NXPH1: variants seen among roughly 807,000 people sequenced by gnomAD.
The protein encoded by NXPH1 is neurexophilin-1.
In NXPH1, 5 loss-of-function variants were observed where a neutral mutation model predicts 23.7. The ratio of observed to expected loss-of-function variants is 0.21; its 90% CI spans 0.11 to 0.44. The LOEUF (loss-of-function observed/expected upper bound fraction) is 0.44, where lower values mean the gene tolerates loss of function less well. NXPH1 is among the 20% of genes least tolerant of loss of function. The pLI is 0.99. For missense variants in NXPH1, 324 were observed against 321.6 expected, an observed-to-expected ratio of 1.01 and a Z score of -0.06; for synonymous variants, 144 against 122.2, an observed-to-expected ratio of 1.18 and a Z score of -1.18.
chr7:8,478,753 C>G (rs1369235771), intron 2 of NXPH1, among the ~76,000 whole-genome samples: 1 of 151,922 alleles, frequency 6.6e-6, no homozygotes, highest in African/African-American at 2.4e-5. Flanking sequence ...TTGATCAAAC[C>G]AAAAGTGATT....
Position 8,528,705 on chromosome 7 carries a change from G to A in NXPH1, c.54+92938G>A, listed in dbSNP as rs140582204. On this transcript the variant is annotated intron_variant, in intron 2 of 2. Coordinates refer to ENST00000405863, the MANE Select transcript of NXPH1 (RefSeq NM_152745.3). ...AGTAGAAAGAGACCTTAGGAAAACTGCACATACTTGCTTCATATTTTAAGT... is the reference window on the plus strand; with the variant it reads ...AGTAGAAAGAGACCTTAGGAAAACTACACATACTTGCTTCATATTTTAAGT... Among the ~76,000 whole-genome samples, 6 of 152,300 alleles carry A rather than the reference G, an allele frequency of 3.9e-5. 1 individual carries two copies. The highest frequency in any genetic ancestry group is 3.4e-3 in the Middle Eastern group (1 of 294).
intron 2 of NXPH1, among the ~76,000 whole-genome samples, chr7:8,568,650 A>T (rs954824308): frequency 3.2e-5 from 2 of 62,576 alleles, no homozygotes; most frequent in Admixed American, 2.7e-4. Context: ...TTCTTAGCAA[A>T]AAAAAAAAAA....
chr7:8,513,754 C>A (rs917041351), intron 2 of NXPH1, among the ~76,000 whole-genome samples: 2 of 152,116 alleles, frequency 1.3e-5, no homozygotes. Flanking sequence ...TTCAAGAGAA[C>A]CACCTATGTC....
intron 2 of NXPH1, among the ~76,000 whole-genome samples, chr7:8,443,152 C>T (rs973818601): frequency 6.6e-6 from 1 of 152,210 alleles, no homozygotes; most frequent in Non-Finnish European, 1.5e-5. Flanking sequence ...TCCAGCTATT[C>T]GGGGGGCAGC....
chr7:8,592,071 C>T (rs1315411271), intron 2 of NXPH1, among the ~76,000 whole-genome samples: 4 of 151,710 alleles, frequency 2.6e-5, no homozygotes, highest in African/African-American at 9.7e-5. Flanking sequence ...GAAAGATTGT[C>T]AAAAGTTGTC....
intron 2 of NXPH1, among the ~76,000 whole-genome samples, chr7:8,705,604 C>T (rs892591334): frequency 6.6e-6 from 1 of 152,138 alleles, no homozygotes; most frequent in Non-Finnish European, 1.5e-5. Flanking sequence ...TAAATGTAAT[C>T]AGGCATTGAT....
chr7:8,639,726 T>C (rs375139949), intron 2 of NXPH1, among the ~76,000 whole-genome samples: 1 of 152,284 alleles, frequency 6.6e-6, no homozygotes, highest in African/African-American at 2.4e-5. Flanking sequence ...GGTCCATCTT[T>C]CCCATGCTGT....
rs114637483 is a variant in NXPH1, at chr7:8,551,589, A to G, written c.54+115822A>G. ...AAAATAAGAATTATCCTTTACAGTT[A>G]TCTTTTACAATTTTGAGGAAATTAT... On this transcript the variant is annotated intron_variant, in intron 2 of 2. Transcript: ENST00000405863. 3.5e-3 allele frequency among the ~76,000 whole-genome samples: 529 copies of G among 151,656 alleles called. 5 individuals are homozygous for G. Among genetic ancestry groups the G allele is most frequent in the African/African-American group, 0.012 (480 of 41,500 alleles).
intron 2 of NXPH1, among the ~76,000 whole-genome samples, chr7:8,626,516 G>A (rs1819992517): frequency 6.6e-6 from 1 of 151,492 alleles, no homozygotes; most frequent in South Asian, 2.1e-4. Context: ...CCAAGCACTT[G>A]AATTTTCATT....
chr7:8,706,408 C>T (rs914260005), intron 2 of NXPH1, among the ~76,000 whole-genome samples: 1 of 152,180 alleles, frequency 6.6e-6, no homozygotes. Flanking sequence ...TCCCTCAATG[C>T]ATAACTAAGC....
rs578175248 is a variant in NXPH1, at chr7:8,483,461, G to C, written c.54+47694G>C. Among the ~76,000 whole-genome samples the C allele has an allele frequency of 2.7e-3, 411 of 152,112 alleles. 3 individuals are homozygous for C. Among genetic ancestry groups the C allele is most frequent in the South Asian group, 0.025 (121 of 4,820 alleles). ...TCTACCCACCTCAGCCTCCAGAGTA[G>C]CTGGGCATGGCTAAATTTTGTATTT... On this transcript the variant is annotated intron_variant, in intron 2 of 2. Coordinates refer to ENST00000405863, the MANE Select transcript of NXPH1 (RefSeq NM_152745.3).
At chr7:8,551,995 A>T (rs1402485373) in intron 2 of NXPH1, among the ~76,000 whole-genome samples, 3 of 151,446 alleles carry the variant, frequency 2.0e-5, no homozygotes, top group African/African-American at 7.2e-5. Context: ...TAAACAAAAG[A>T]CACAGTTTGC....
chr7:8,454,075 A>G (rs537007707), intron 2 of NXPH1, among the ~76,000 whole-genome samples: 2 of 124,780 alleles, frequency 1.6e-5, no homozygotes, highest in Admixed American at 7.7e-5. Context: ...AACAACACAC[A>G]CTGGGGCCTT....
At chr7:8,564,737 C>A (rs1818509532) in intron 2 of NXPH1, among the ~76,000 whole-genome samples, 1 of 151,766 alleles carries the variant, frequency 6.6e-6, no homozygotes, top group African/African-American at 2.4e-5. Flanking sequence ...AAGTGTGGTC[C>A]ATTTCTTTCT....
intron 2 of NXPH1, among the ~76,000 whole-genome samples, chr7:8,545,476 A>G (rs1239325683): frequency 6.6e-6 from 1 of 151,568 alleles, no homozygotes; most frequent in African/African-American, 2.4e-5. Context: ...GTCCTCTTGT[A>G]GAGTTAAATA....
intron 2 of NXPH1, among the ~76,000 whole-genome samples, chr7:8,644,169 GT>G (rs1385824683): frequency 8.5e-5 from 13 of 152,174 alleles, no homozygotes; most frequent in Admixed American, 8.5e-4. Flanking sequence ...TCATGGAAGA[GT>G]TTTCTTTCTT....
At chr7:8,525,599 T>C (rs12673077) in intron 2 of NXPH1, among the ~76,000 whole-genome samples, 36,953 of 151,892 alleles carry the variant, frequency 0.24, 4,578 homozygotes, top group East Asian at 0.3. Flanking sequence ...GTTTCATGGG[T>C]TGGGCCCAGG....
chr7:8,670,029 G>T (rs1055361027), intron 2 of NXPH1, among the ~76,000 whole-genome samples: 5 of 152,286 alleles, frequency 3.3e-5, no homozygotes, highest in African/African-American at 1.2e-4. Flanking sequence ...TAAGGATTTA[G>T]AATATTTTCT....
chr7:8,739,290 G>C (rs540902137), intron 2 of NXPH1, among the ~76,000 whole-genome samples: 2 of 151,422 alleles, frequency 1.3e-5, no homozygotes, highest in East Asian at 3.9e-4. Flanking sequence ...GCACCCGAGG[G>C]AATCTCCTGG....
Sources: gnomAD v4.1 joint callset for allele counts (sites outside exome capture counted in the v4.1 genomes callset) on GRCh38, gnomAD v4.1.1 for gene constraint, MANE v1.5 for transcripts, NCBI Gene and HGNC (gene_info 2026-07-23, HGNC 2026-07-21) for gene names.